The following ANPEP variants were observed in gnomAD, a reference collection of about 807,000 sequenced individuals.
ANPEP encodes aminopeptidase N.
In ANPEP, 70 loss-of-function variants were observed where a neutral mutation model predicts 114.6. The ratio of observed to expected loss-of-function variants is 0.61; its 90% CI spans 0.50 to 0.75. The LOEUF is 0.75. Among genes scored for constraint, ANPEP ranks in the 30% least tolerant of loss-of-function variants. ANPEP has a pLI of 0.00. For missense variants in ANPEP, 1,184 were observed against 1,259.5 expected (o/e 0.94, Z 0.91); for synonymous variants, 548 against 522.3 (o/e 1.05, Z -0.67).
rs1008659877 is a variant in ANPEP at position 89,806,827 on chromosome 15, C to G, written c.-223-21G>C. Reference sequence around the variant, plus strand: ...GGTGCCTGCTGGAAGCAAACAGTGTCTGGTTACAGGCTGCAGGCGGCCTGG... The same window carrying G: ...GGTGCCTGCTGGAAGCAAACAGTGTGTGGTTACAGGCTGCAGGCGGCCTGG... On this transcript the variant is annotated intron_variant, in intron 1 of 20. Transcript: ENST00000300060. This position sits in a 1 kb window ranked among gnomAD's most constrained non-coding sequence, Gnocchi z 5.7. The G allele has an allele frequency of 9.0e-6, 5 of 555,684 alleles. No individual in the cohort carries two copies. Among genetic ancestry groups the G allele is most frequent in the Non-Finnish European group, 1.5e-5 (5 of 327,324 alleles). 34.4% of individuals were successfully genotyped at this position (555,684 alleles called of 1,614,324 possible). A position where few individuals can be genotyped will look rare whatever the true frequency, so the allele number is the denominator to read the frequency against.
intron 20 of ANPEP, among the ~76,000 whole-genome samples, chr15:89,786,972 A>C (rs1345548615): frequency 1.3e-5 from 2 of 152,038 alleles, no homozygotes; most frequent in Non-Finnish European, 2.9e-5. Context: ...CCCCAACCTC[A>C]TATCATATAC....
In ANPEP at chr15:89,801,504, G is replaced by T; in HGVS notation, c.1673C>A (p.Thr558Lys). The change falls in exon 11 of 21, where the codon ACG (threonine) becomes AAG (lysine). Residue 558 changes from threonine to lysine, a missense_variant. Transcript: ENST00000300060. ...GAAGTGCTCCTGGGAAAGGGTCCCC[G>T]TGCTGGTATCCACCGTGATGACCGG... Reference protein sequence around the residue: ...GFPVITVDTSTGTLSQEHFLL... With the variant: ...GFPVITVDTSKGTLSQEHFLL... 6.2e-7 allele frequency: 1 copy of T among 1,614,208 alleles called. No individual in the cohort carries two copies. Among genetic ancestry groups the T allele is most frequent in the Non-Finnish European group, 8.5e-7 (1 of 1,180,038 alleles).
At position 89,784,966 on chromosome 15, in the gene ANPEP, C is replaced by T. The variant is rs1968478602; in HGVS notation, c.*383G>A. 5.5e-6 allele frequency: 1 copy of T among 181,112 alleles called. No individual in the cohort carries two copies. The highest frequency in any genetic ancestry group is 1.2e-5 in the Non-Finnish European group (1 of 85,632). 11.2% of individuals were successfully genotyped at this position (181,112 alleles called of 1,614,324 possible). On this transcript the variant is annotated 3_prime_UTR_variant, in exon 21 of 21. Transcript: ENST00000300060. ...CAGATCTGCTGCCCTGTTGATTCCT[C>T]AGATTTAGGGTCTTTAGGGAAAGGT...
In ANPEP at chr15:89,791,011, T is replaced by C; in HGVS notation, c.2611A>G (p.Ile871Val). Reference protein sequence around the residue: ...STIISITNNVIGQGLVWDFVQ... With the variant: ...STIISITNNVVGQGLVWDFVQ... ...AAGTCCCAGACCAGACCTTGCCCAA[T>C]GACGTTGTTGGTAATGCTGATGATG... Residue 871 changes from isoleucine to valine, a missense_variant, in exon 19 of 21, where the codon ATT (isoleucine) becomes GTT (valine). Ile to Val is a conservative substitution (Grantham distance 29). Coordinates refer to ENST00000300060, the MANE Select transcript of ANPEP (RefSeq NM_001150.3). 2.5e-6 allele frequency: 4 copies of C among 1,614,208 alleles called. No individual in the cohort carries two copies. The highest frequency in any genetic ancestry group is 4.5e-5 in the East Asian group (2 of 44,884).
At position 89,804,363 on chromosome 15, in the gene ANPEP, A is replaced by C. The variant is rs770677086; in HGVS notation, c.1069T>G (p.Trp357Gly). Residue 357 changes from tryptophan (W) to glycine (G), a missense_variant, in exon 6 of 21, where the codon TGG becomes GGG. Transcript: ENST00000300060. ...PDFNAGAMENWGLVTYRENSL... is the reference protein window; with the variant it reads ...PDFNAGAMENGGLVTYRENSL... ...TTCTCCCGGTAGGTCACCAGTCCCCAGTTCTCCATGGCGCCGGCGTTGAAG... is the reference window on the plus strand; with the variant it reads ...TTCTCCCGGTAGGTCACCAGTCCCCCGTTCTCCATGGCGCCGGCGTTGAAG... The C allele has an allele frequency of 6.2e-6, 10 of 1,614,058 alleles. No homozygotes were observed. In the East Asian group the frequency reaches 1.3e-4, roughly 22 times the overall value.
chr15:89,798,979 C>CAA (rs1894530120), intron 14 of ANPEP, among the ~76,000 whole-genome samples: 1 of 151,960 alleles, frequency 6.6e-6, no homozygotes, highest in Non-Finnish European at 1.5e-5. Flanking sequence ...AAAACAAAAA[C>CAA]AAAAAGCTTG....
At chr15:89,797,762 C>G in intron 14 of ANPEP, 40 bp from the exon 15 acceptor site, 1 of 1,611,818 alleles carries the variant, frequency 6.2e-7, no homozygotes, top group Non-Finnish European at 8.5e-7. Context: ...GCACCTCCAC[C>G]CAGCCCAGCC....
intron 15 of ANPEP, among the ~76,000 whole-genome samples, chr15:89,794,467 GAGTGGGATTCT>G (rs1284121740): frequency 6.6e-6 from 1 of 152,102 alleles, no homozygotes; most frequent in Non-Finnish European, 1.5e-5. Context: ...CTGGGTGACA[GAGTGGGATTCT>G]GTCTCAAAAA....
At position 89,803,584 on chromosome 15, in the gene ANPEP, G is replaced by C; in HGVS notation, c.1437+63C>G. 6.2e-7 allele frequency: 1 copy of C among 1,601,546 alleles called. No homozygotes were observed. On this transcript the variant is annotated intron_variant, in intron 8 of 20. Coordinates refer to ENST00000300060, the MANE Select transcript of ANPEP (RefSeq NM_001150.3). The surrounding 1 kb of genome is among the most constrained non-coding windows in gnomAD (Gnocchi z 4.2). The stretch of plus-strand genomic sequence containing the variant: ...CCTGTGCCCCCAGACCCTGCCTTCA[G>C]TGAGGCCCCTCCAGGCCAAGTCCCC...
intron 1 of ANPEP, among the ~76,000 whole-genome samples, chr15:89,813,774 C>T (rs1037577228): frequency 5.9e-5 from 9 of 152,236 alleles, no homozygotes; most frequent in African/African-American, 2.2e-4. Flanking sequence ...TCCCCTTTCA[C>T]AGGTGAATTA....
At chr15:89,787,192 C>A (rs1028203089) in intron 20 of ANPEP, among the ~76,000 whole-genome samples, 1 of 151,622 alleles carries the variant, frequency 6.6e-6, no homozygotes, top group Non-Finnish European at 1.5e-5. Flanking sequence ...ATTACAGGCG[C>A]CCGCCACTGC....
Position 89,795,801 on chromosome 15 carries a change from G to A in ANPEP, c.2157+1774C>T, listed in dbSNP as rs535233626. Among the ~76,000 whole-genome samples the A allele has an allele frequency of 7.6e-4, 116 of 152,270 alleles. 2 individuals are homozygous for A. The South Asian group carries it at 0.023, about 31-fold the overall frequency. The stretch of plus-strand genomic sequence containing the variant: ...GAAGATGTATTCCCCTATGAGAGGG[G>A]AAAAAATCAAAGAATCCATGGGATG... On this transcript the variant is annotated intron_variant, in intron 15 of 20. Coordinates refer to ENST00000300060, the MANE Select transcript of ANPEP (RefSeq NM_001150.3).
intron 1 of ANPEP, among the ~76,000 whole-genome samples, chr15:89,814,206 C>G (rs1258938763): frequency 1.3e-5 from 2 of 152,218 alleles, no homozygotes; most frequent in African/African-American, 2.4e-5. Context: ...CGAGGGAGAA[C>G]GCGACTGTAA....
intron 15 of ANPEP, among the ~76,000 whole-genome samples, chr15:89,795,475 G>C (rs1310379660): frequency 6.6e-6 from 1 of 152,038 alleles, no homozygotes; most frequent in Non-Finnish European, 1.5e-5. Context: ...AAGGTAGATG[G>C]AGACGAGGCC....
chr15:89,790,936 C>G lies in ANPEP; in HGVS notation c.2669+17G>C, dbSNP rs1221237443. On this transcript the variant is annotated intron_variant, in intron 19 of 20. Transcript: ENST00000300060. ...CCTCGGCGCTCGCTGTCCCTGACACCCATTCCACAGACTCACTCGTTAAAA... is the reference window on the plus strand; with the variant it reads ...CCTCGGCGCTCGCTGTCCCTGACACGCATTCCACAGACTCACTCGTTAAAA... 2 of 1,612,890 alleles carry G rather than the reference C, an allele frequency of 1.2e-6. No individual in the cohort carries two copies. The highest frequency in any genetic ancestry group is 1.7e-5 in the Admixed American group (1 of 59,910).
Position 89,805,154 on chromosome 15 carries a change from TTGGGCG to T in ANPEP, c.815_820del (p.Thr272_Pro273del). On this transcript the variant is annotated inframe_deletion, in exon 4 of 21. Coordinates refer to ENST00000300060, the MANE Select transcript of ANPEP (RefSeq NM_001150.3). ...GAAGGCCAGCAAGTACGTGGACATC[TTGGGCG>T]TGGTGTGGAACTCAGTGACATTCCA... 6.2e-7 allele frequency: 1 copy of T among 1,614,228 alleles called. No homozygotes were observed. Among genetic ancestry groups the T allele is most frequent in the Non-Finnish European group, 8.5e-7 (1 of 1,180,038 alleles).
chr15:89,790,329 C>T (rs1434791934), intron 20 of ANPEP, 131 bp downstream of exon 20: 3 of 719,456 alleles, frequency 4.2e-6, no homozygotes, highest in Non-Finnish European at 7.0e-6. Context: ...TACTCGGCTT[C>T]CTCTGTAAAT....
chr15:89,798,785 C>T (rs528719464), intron 14 of ANPEP, among the ~76,000 whole-genome samples: 1 of 152,150 alleles, frequency 6.6e-6, no homozygotes, highest in Non-Finnish European at 1.5e-5. Context: ...ACTAAAAATA[C>T]AAAAATTAGC....
At position 89,800,556 on chromosome 15, in the gene ANPEP, C is replaced by CTTTTT. The variant is rs759889538; in HGVS notation, c.1819+550_1819+554dup. On this transcript the variant is annotated intron_variant, in intron 12 of 20. Transcript: ENST00000300060. ...TTAAGCATTTTATGTGGATTCTCTC[C>CTTTTT]TTTTTTTTTTTTTTTTTTTTTTGAG... 6.4e-4 allele frequency among the ~76,000 whole-genome samples: 80 copies of CTTTTT among 124,356 alleles called. 1 individual carries two copies. The highest frequency in any genetic ancestry group is 2.3e-3 in the African/African-American group (71 of 31,258). The allele number at this position is 124,356 out of a possible 152,430, so 81.6% of individuals were successfully genotyped here. A position where few individuals can be genotyped will look rare whatever the true frequency, so the allele number is the denominator to read the frequency against.
Sources: allele counts gnomAD v4.1 joint callset (sites outside exome capture counted in the v4.1 genomes callset), GRCh38; gene constraint gnomAD v4.1.1; non-coding constraint Gnocchi (gnomAD v3.1); transcripts MANE v1.5; gene names NCBI Gene and HGNC (gene_info 2026-07-23, HGNC 2026-07-21).